The following SCFD2 variants were observed in gnomAD, a reference collection of about 807,000 sequenced individuals.
The protein encoded by SCFD2 is sec1 family domain containing 2.
In SCFD2, 54 loss-of-function variants were observed where a neutral mutation model predicts 58.9. That is an observed-to-expected ratio of 0.92 (90% confidence interval 0.74 to 1.15). SCFD2 has a LOEUF of 1.15. Ranked by LOEUF, SCFD2 falls within the 50% of genes most tolerant of loss-of-function variation. SCFD2 has a pLI of 0.00. For missense variants in SCFD2, 805 were observed against 836.6 expected (o/e 0.96, Z 0.47); for synonymous variants, 321 against 335.9 (o/e 0.96, Z 0.49).
chr4:52,966,739 G>A (rs1380431312), intron 5 of SCFD2, among the ~76,000 whole-genome samples: 1 of 151,930 alleles, frequency 6.6e-6, no homozygotes, highest in Non-Finnish European at 1.5e-5. Context: ...CATAAGTCTG[G>A]TACTTTTTTT....
At chr4:53,231,844 A>C (rs1729449379) in intron 4 of SCFD2, among the ~76,000 whole-genome samples, 1 of 152,096 alleles carries the variant, frequency 6.6e-6, no homozygotes, top group African/African-American at 2.4e-5. Context: ...ACTTACCTAA[A>C]AAAATTAAAC....
intron 4 of SCFD2, among the ~76,000 whole-genome samples, chr4:53,223,626 G>C (rs1232948196): frequency 6.6e-6 from 1 of 152,176 alleles, no homozygotes; most frequent in Non-Finnish European, 1.5e-5. Context: ...TAGTCTCACG[G>C]AACATTTTCT....
At chr4:52,878,906 T>G (rs765426622) in intron 8 of SCFD2, among the ~76,000 whole-genome samples, 12 of 152,314 alleles carry the variant, frequency 7.9e-5, no homozygotes, top group Middle Eastern at 6.8e-3. Context: ...ACATAGAACC[T>G]AAACCTGGTC....
intron 5 of SCFD2, among the ~76,000 whole-genome samples, chr4:52,963,037 C>A (rs1388662610): frequency 6.6e-6 from 1 of 152,164 alleles, no homozygotes; most frequent in Non-Finnish European, 1.5e-5. Flanking sequence ...TCATTGGTTT[C>A]CTTATTTCTC....
chr4:52,882,062 C>A (rs1718625266), intron 8 of SCFD2, among the ~76,000 whole-genome samples: 1 of 152,036 alleles, frequency 6.6e-6, no homozygotes, highest in African/African-American at 2.4e-5. Flanking sequence ...GCTGATCAGT[C>A]CACACCAAGG....
intron 4 of SCFD2, among the ~76,000 whole-genome samples, chr4:53,219,091 C>T (rs1449393067): frequency 2.0e-5 from 3 of 152,192 alleles, no homozygotes; most frequent in Non-Finnish European, 4.4e-5. Context: ...AGTCAGGGAC[C>T]CACTGGAGGA....
At chr4:52,946,880 T>A (rs963241589) in intron 5 of SCFD2, among the ~76,000 whole-genome samples, 1 of 152,132 alleles carries the variant, frequency 6.6e-6, no homozygotes, top group Non-Finnish European at 1.5e-5. Context: ...AGGGTAATAA[T>A]CTTTGGAATG....
chr4:53,184,733 T>C (rs144570738), intron 4 of SCFD2, among the ~76,000 whole-genome samples: 387 of 152,240 alleles, frequency 2.5e-3, no homozygotes, highest in African/African-American at 8.8e-3. Flanking sequence ...CCTCACTTAC[T>C]GTTTACTTCA....
chr4:53,219,016 T>A (rs1577856935), intron 4 of SCFD2, among the ~76,000 whole-genome samples: 1 of 152,108 alleles, frequency 6.6e-6, no homozygotes, highest in Non-Finnish European at 1.5e-5. Flanking sequence ...CTCAGAGGGG[T>A]ACCCGGCCGT....
At chr4:53,242,979 A>G (rs1729947403) in intron 4 of SCFD2, among the ~76,000 whole-genome samples, 4 of 152,204 alleles carry the variant, frequency 2.6e-5, no homozygotes, top group Non-Finnish European at 1.5e-5. Flanking sequence ...GAAATATGGA[A>G]CTATGTAAAG....
intron 4 of SCFD2, among the ~76,000 whole-genome samples, chr4:53,148,496 A>G (rs1167155196): frequency 1.3e-5 from 2 of 152,238 alleles, no homozygotes; most frequent in Non-Finnish European, 2.9e-5. Flanking sequence ...ATTTCAAAAA[A>G]GCTAGATTCC....
chr4:53,085,203 CA>C (rs974205272), intron 5 of SCFD2, among the ~76,000 whole-genome samples: 17 of 151,990 alleles, frequency 1.1e-4, no homozygotes, highest in African/African-American at 4.1e-4. Flanking sequence ...GATACAAAAC[CA>C]ATATACAAAT....
intron 2 of SCFD2, among the ~76,000 whole-genome samples, chr4:53,348,207 G>A (rs1348561243): frequency 6.6e-6 from 1 of 152,126 alleles, no homozygotes; most frequent in Admixed American, 6.6e-5. Flanking sequence ...ATAAAAATTG[G>A]CAGTAACTTC....
chr4:53,213,239 G>C (rs112698784), intron 4 of SCFD2, among the ~76,000 whole-genome samples: 1 of 152,188 alleles, frequency 6.6e-6, no homozygotes, highest in East Asian at 1.9e-4. Context: ...AAGAGATGAT[G>C]AGTAAAGATA....
chr4:53,032,364 T>C (rs188338160), intron 5 of SCFD2, among the ~76,000 whole-genome samples: 7 of 152,224 alleles, frequency 4.6e-5, no homozygotes, highest in African/African-American at 1.4e-4. Flanking sequence ...ATTGACACTA[T>C]GAAGAAAATG....
At chr4:52,961,171 C>T (rs1720845051) in intron 5 of SCFD2, among the ~76,000 whole-genome samples, 1 of 152,200 alleles carries the variant, frequency 6.6e-6, no homozygotes, top group Admixed American at 6.5e-5. Flanking sequence ...GCACTCTGTC[C>T]ATCTGGCCAC....
At chr4:53,187,245 TTTC>T (rs1210364747) in intron 4 of SCFD2, among the ~76,000 whole-genome samples, 2 of 152,106 alleles carry the variant, frequency 1.3e-5, no homozygotes, top group Non-Finnish European at 2.9e-5. Context: ...TCATTAAATT[TTTC>T]TTCTTATTAA....
intron 5 of SCFD2, among the ~76,000 whole-genome samples, chr4:53,095,949 T>A (rs1384547881): frequency 2.0e-5 from 3 of 151,724 alleles, no homozygotes; most frequent in Admixed American, 1.3e-4. Flanking sequence ...AATTCCCACC[T>A]ATTAGTGAGA....
At chr4:53,083,329 T>C (rs1724205257) in intron 5 of SCFD2, among the ~76,000 whole-genome samples, 1 of 152,106 alleles carries the variant, frequency 6.6e-6, no homozygotes, top group African/African-American at 2.4e-5. Context: ...AGGTCTCATA[T>C]GGAAATGAGA....
Sources: allele counts gnomAD v4.1 joint callset (sites outside exome capture counted in the v4.1 genomes callset), GRCh38; gene constraint gnomAD v4.1.1; transcripts MANE v1.5; gene names NCBI Gene and HGNC (gene_info 2026-07-23, HGNC 2026-07-21).